DEF8: variants seen among roughly 807,000 people sequenced by gnomAD.
DEF8 encodes differentially expressed in FDCP 8 homolog.
In DEF8, 38 loss-of-function variants were observed where a neutral mutation model predicts 59.1. That is an observed-to-expected ratio of 0.64 (90% CI 0.50 to 0.84). The LOEUF (loss-of-function observed/expected upper bound fraction) is 0.84. Among genes scored for constraint, DEF8 ranks in the 40% least tolerant of loss-of-function variants. DEF8 has a pLI of 0.00. For missense variants in DEF8, 557 were observed against 615.2 expected (o/e 0.91, Z 1.00); for synonymous variants, 265 against 250.1 (o/e 1.06, Z -0.56).
intron 4 of DEF8, among the ~76,000 whole-genome samples, chr16:89,956,279 A>AC (rs1214720977): frequency 6.6e-6 from 1 of 150,640 alleles, no homozygotes; most frequent in Non-Finnish European, 1.5e-5. Context: ...ACATGCTGAA[A>AC]CCCCGTCTCT....
At chr16:89,964,935 G>C (rs1193496146) in intron 12 of DEF8, among the ~76,000 whole-genome samples, 3 of 152,178 alleles carry the variant, frequency 2.0e-5, no homozygotes, top group Admixed American at 6.5e-5. Context: ...GGTTAGTATA[G>C]GCTAGAGATT....
chr16:89,963,298 G>T, intron 9 of DEF8, 65 bp from the exon 10 acceptor site: 1 of 1,437,140 alleles, frequency 7.0e-7, no homozygotes, highest in Non-Finnish European at 9.5e-7. Flanking sequence ...CCGGGTGTGC[G>T]GCCCACACAG....
In DEF8 at chr16:89,954,526, T is replaced by A; in HGVS notation, c.124+150T>A. The A allele has an allele frequency of 1.1e-6, 1 of 877,830 alleles. No homozygotes were observed. The highest frequency in any genetic ancestry group is 1.7e-6 in the Non-Finnish European group (1 of 586,652). 54.4% of individuals were successfully genotyped at this position (877,830 alleles called of 1,614,324 possible). ...TGTGTTCTTTTTCCCATCTCTTCTG[T>A]GGTCGTGTGGTTTGTTTCTGTGTCC... On this transcript the variant is annotated intron_variant, in intron 3 of 12. Coordinates refer to ENST00000563594, the MANE Select transcript of DEF8 (RefSeq NM_001242818.2). The surrounding 1 kb of genome is among the most constrained non-coding windows in gnomAD (Gnocchi z 4.3).
intron 6 of DEF8, among the ~76,000 whole-genome samples, chr16:89,960,372 G>C (rs971154861): frequency 1.3e-5 from 2 of 152,122 alleles, no homozygotes; most frequent in African/African-American, 2.4e-5. Context: ...GACTGAGTGC[G>C]GTGGCTCACG....
Position 89,954,166 on chromosome 16 carries a change from A to G in DEF8, c.-10-77A>G. The G allele has an allele frequency of 6.6e-7, 1 of 1,524,240 alleles. No individual in the cohort carries two copies. Among genetic ancestry groups the G allele is most frequent in the South Asian group, 1.2e-5 (1 of 82,788 alleles). The allele number at this position is 1,524,240 out of a possible 1,614,324, so 94.4% of individuals were successfully genotyped here. A position where few individuals can be genotyped will look rare whatever the true frequency, so the allele number is the denominator to read the frequency against. ...AGGCCAGCCTCACCCCAGACACCCC[A>G]GTGTGGTTGGGGAAAGGGGGTGGTC... On this transcript the variant is annotated intron_variant, in intron 2 of 12. Coordinates refer to ENST00000563594, the MANE Select transcript of DEF8 (RefSeq NM_001242818.2). The surrounding 1 kb of genome is among the most constrained non-coding windows in gnomAD (Gnocchi z 4.3).
chr16:89,963,275 C>T, intron 9 of DEF8, 88 bp from the exon 10 acceptor site: 1 of 1,149,346 alleles, frequency 8.7e-7, no homozygotes, highest in Middle Eastern at 2.1e-4. Flanking sequence ...CCCCTCCTGG[C>T]CCTGCCGTGG....
chr16:89,960,769 A>G (rs1165081289), intron 6 of DEF8, among the ~76,000 whole-genome samples, 162 bp from the exon 7 acceptor site: 2 of 152,068 alleles, frequency 1.3e-5, no homozygotes, highest in East Asian at 3.9e-4. Flanking sequence ...CCAGGGAGAA[A>G]AGGATCTTTG....
chr16:89,953,024 A>G (rs1415834694), intron 2 of DEF8, among the ~76,000 whole-genome samples: 1 of 152,200 alleles, frequency 6.6e-6, no homozygotes, highest in African/African-American at 2.4e-5. Flanking sequence ...TTCTTTTGGG[A>G]GAAGAGACAG....
rs967661056 is a variant in DEF8, at chr16:89,949,332, C to T, written c.-107-85C>T. ...GGAACGGGTGGGTGGGAGAGACCTG[C>T]CCCCGAGGAGCCCGGGAGACCGGGC... On this transcript the variant is annotated intron_variant, in intron 1 of 12. Transcript: ENST00000563594. 2.2e-5 allele frequency: 25 copies of T among 1,131,180 alleles called. No homozygotes were observed. The South Asian group carries it at 3.2e-4, about 15-fold the overall frequency. The allele number at this position is 1,131,180 out of a possible 1,614,324, so 70.1% of individuals were successfully genotyped here. A position where few individuals can be genotyped will look rare whatever the true frequency, so the allele number is the denominator to read the frequency against.
intron 2 of DEF8, among the ~76,000 whole-genome samples, chr16:89,952,243 C>T (rs745639470): frequency 5.0e-4 from 76 of 152,250 alleles, no homozygotes; most frequent in Non-Finnish European, 8.7e-4. Flanking sequence ...TGCCGTCCTC[C>T]TGCCTTGGCC....
rs1002662551 is a variant in DEF8 at position 89,954,883 on chromosome 16, G to A, written c.125-286G>A. 1.3e-5 allele frequency among the ~76,000 whole-genome samples: 2 copies of A among 152,174 alleles called. No homozygotes were observed. The highest frequency in any genetic ancestry group is 2.9e-5 in the Non-Finnish European group (2 of 68,032). ...GGTCACGCATGAGGTGTCCACCTTA[G>A]AAATGGGATGTCTCTATAATGCTGT... On this transcript the variant is annotated intron_variant, in intron 3 of 12. Coordinates refer to ENST00000563594, the MANE Select transcript of DEF8 (RefSeq NM_001242818.2). This position sits in a 1 kb window ranked among gnomAD's most constrained non-coding sequence, Gnocchi z 4.3.
intron 4 of DEF8, 152 bp downstream of exon 4, chr16:89,955,418 A>G (rs2032995747): frequency 7.7e-6 from 5 of 645,478 alleles, no homozygotes; most frequent in African/African-American, 3.6e-5. Flanking sequence ...AGCAGCCCCC[A>G]CCTCAGCCAG....
chr16:89,955,494 A>G (rs1475381894), intron 4 of DEF8, among the ~76,000 whole-genome samples: 1 of 152,166 alleles, frequency 6.6e-6, no homozygotes, highest in Non-Finnish European at 1.5e-5. Flanking sequence ...GCCTGAGTGA[A>G]GGCAGGTGGA....
chr16:89,948,949 G>GT, intron 1 of DEF8, 135 bp downstream of exon 1: 1 of 46,980 alleles, frequency 2.1e-5, no homozygotes, highest in Non-Finnish European at 3.6e-5. Context: ...CGGGGACGGG[G>GT]CTGGGAGGGA....
intron 1 of DEF8, among the ~76,000 whole-genome samples, chr16:89,949,064 A>ACGGGGCCGGCGGGGT (rs1156475467): frequency 4.4e-5 from 1 of 22,924 alleles, no homozygotes. Flanking sequence ...GCTGGGAGGG[A>ACGGGGCCGGCGGGGT]CGGGGCCGGC....
chr16:89,962,329 G>A (rs1011896328), intron 9 of DEF8, among the ~76,000 whole-genome samples: 2 of 152,222 alleles, frequency 1.3e-5, no homozygotes, highest in African/African-American at 4.8e-5. Context: ...GATGCCAGGT[G>A]TGAACACAAT....
At chr16:89,952,290 G>A (rs181344749) in intron 2 of DEF8, among the ~76,000 whole-genome samples, 17 of 152,282 alleles carry the variant, frequency 1.1e-4, no homozygotes, top group African/African-American at 3.6e-4. Flanking sequence ...GAGCTACCAC[G>A]CCCGGCCCAT....
intron 2 of DEF8, among the ~76,000 whole-genome samples, chr16:89,952,123 C>T (rs1206221661): frequency 4.6e-5 from 7 of 152,156 alleles, no homozygotes; most frequent in African/African-American, 1.2e-4. Context: ...GTGATCCGCC[C>T]GCCTCGGCCT....
rs953160903 is a variant in DEF8 at position 89,954,508 on chromosome 16, T to C, written c.124+132T>C. ...GAGCCGGCACCTGCTGGCTGTGTTC[T>C]TTTTCCCATCTCTTCTGTGGTCGTG... On this transcript the variant is annotated intron_variant, in intron 3 of 12. Coordinates refer to ENST00000563594, the MANE Select transcript of DEF8 (RefSeq NM_001242818.2). This position sits in a 1 kb window ranked among gnomAD's most constrained non-coding sequence, Gnocchi z 4.3. 4.1e-6 allele frequency: 4 copies of C among 982,952 alleles called. No individual in the cohort carries two copies. The African/African-American group carries it at 4.9e-5, about 12-fold the overall frequency. 60.9% of individuals were successfully genotyped at this position (982,952 alleles called of 1,614,324 possible). A position where few individuals can be genotyped will look rare whatever the true frequency, so the allele number is the denominator to read the frequency against.
Sources: gnomAD v4.1 joint callset for allele counts (sites outside exome capture counted in the v4.1 genomes callset) on GRCh38, gnomAD v4.1.1 for gene constraint, Gnocchi (gnomAD v3.1) non-coding constraint, MANE v1.5 for transcripts, NCBI Gene and HGNC (gene_info 2026-07-23, HGNC 2026-07-21) for gene names.